GNAS-AS1: variants seen among roughly 807,000 people sequenced by gnomAD.
GNAS-AS1 encodes the protein GNAS antisense RNA 1, also known as GNAS antisense RNA 1 (non-protein coding).
In GNAS-AS1 at chr20:58,840,508, C is replaced by T. The variant is rs757886349; in HGVS notation, n.819+1429G>A. ...AGACCGAGCCTGAGACCGCCCCCACCACTGAGCCCGAGACCGAGCCTGAAG... is the reference window on the plus strand; with the variant it reads ...AGACCGAGCCTGAGACCGCCCCCACTACTGAGCCCGAGACCGAGCCTGAAG... On this transcript the variant is annotated intron_variant and non_coding_transcript_variant, in intron 4 of 4. Transcript: ENST00000424094. This position sits in a 1 kb window ranked among gnomAD's most constrained non-coding sequence, Gnocchi z 6.0. The T allele has an allele frequency of 6.2e-7, 1 of 1,613,326 alleles. No individual in the cohort carries two copies. The highest frequency in any genetic ancestry group is 8.5e-7 in the Non-Finnish European group (1 of 1,179,788).
At chr20:58,849,685 C>T (rs1460183991) in intron 1 of GNAS-AS1, among the ~76,000 whole-genome samples, 2 of 152,192 alleles carry the variant, frequency 1.3e-5, no homozygotes, top group Non-Finnish European at 2.9e-5. Context: ...TTGGCTCCTC[C>T]ATCTTTTGTG....
rs2085661524 is a variant in GNAS-AS1, at chr20:58,840,140, C to T, written n.819+1797G>A. ...GAGGTCCCGGGCTCAGCAGTGGCGC[C>T]GAGCTCGCCATAATTACAACGACCT... On this transcript the variant is annotated intron_variant and non_coding_transcript_variant, in intron 4 of 4. Coordinates refer to ENST00000424094, the Ensembl canonical transcript of GNAS-AS1. This position sits in a 1 kb window ranked among gnomAD's most constrained non-coding sequence, Gnocchi z 6.0. 3 of 1,611,410 alleles carry T rather than the reference C, an allele frequency of 1.9e-6. No homozygotes were observed. Among genetic ancestry groups the T allele is most frequent in the African/African-American group, 1.3e-5 (1 of 74,902 alleles).
chr20:58,841,329 T>G lies in GNAS-AS1; in HGVS notation n.819+608A>C, dbSNP rs2085716002. 2 of 1,058,052 alleles carry G rather than the reference T, an allele frequency of 1.9e-6. No homozygotes were observed. The highest frequency in any genetic ancestry group is 2.3e-6 in the Non-Finnish European group (2 of 874,812). The allele number at this position is 1,058,052 out of a possible 1,614,324, so 65.5% of individuals were successfully genotyped here. On this transcript the variant is annotated intron_variant and non_coding_transcript_variant, in intron 4 of 4. Transcript: ENST00000424094. The surrounding 1 kb of genome is among the most constrained non-coding windows in gnomAD (Gnocchi z 5.0). ...TGGTTCGGAGGTGCGCGCGCCAACT[T>G]TCACGATGTGAGAGCAGCCGCGCTG...
At chr20:58,849,242 C>G (rs1218439008) in intron 1 of GNAS-AS1, among the ~76,000 whole-genome samples, 1 of 152,128 alleles carries the variant, frequency 6.6e-6, no homozygotes. Context: ...CCAAATACCA[C>G]CAGTGCAGAG....
At position 58,841,982 on chromosome 20, in the gene GNAS-AS1, G is replaced by A; in HGVS notation, n.774C>T. ...GGTACGCGCAGAGCTGGGGAAAGGTGTTGGATCCGGCGCCAGTCCTTGGAC... is the reference window on the plus strand; with the variant it reads ...GGTACGCGCAGAGCTGGGGAAAGGTATTGGATCCGGCGCCAGTCCTTGGAC... On this transcript the variant is annotated non_coding_transcript_exon_variant, in exon 4 of 5. Coordinates refer to ENST00000424094, the Ensembl canonical transcript of GNAS-AS1. The surrounding 1 kb of genome is among the most constrained non-coding windows in gnomAD (Gnocchi z 5.0). 1 of 1,005,850 alleles carries A rather than the reference G, an allele frequency of 9.9e-7. No homozygotes were observed. The highest frequency in any genetic ancestry group is 1.3e-6 in the Non-Finnish European group (1 of 781,484). 62.3% of individuals were successfully genotyped at this position (1,005,850 alleles called of 1,614,324 possible). A position where few individuals can be genotyped will look rare whatever the true frequency, so the allele number is the denominator to read the frequency against.
intron 4 of GNAS-AS1, chr20:58,824,053 A>G: frequency 2.5e-6 from 1 of 398,720 alleles, no homozygotes; most frequent in East Asian, 3.6e-5. Flanking sequence ...TTGGGGAGGA[A>G]GAGGTCGGCT....
At chr20:58,836,043 T>C (rs374236700) in intron 4 of GNAS-AS1, among the ~76,000 whole-genome samples, 1 of 152,072 alleles carries the variant, frequency 6.6e-6, no homozygotes, top group Non-Finnish European at 1.5e-5. Flanking sequence ...GCACTTTCAA[T>C]GCTTCCAAAA....
intron 4 of GNAS-AS1, chr20:58,839,510 G>C (rs1405769690): frequency 2.5e-6 from 1 of 403,446 alleles, no homozygotes; most frequent in Non-Finnish European, 4.4e-6. Flanking sequence ...TACTGGACCT[G>C]GGGCTAGCTT....
At chr20:58,830,637 ACAC>A (rs1387452481) in intron 4 of GNAS-AS1, among the ~76,000 whole-genome samples, 1 of 91,300 alleles carries the variant, frequency 1.1e-5, no homozygotes, top group Non-Finnish European at 2.3e-5. Context: ...CACCACCGCC[ACAC>A]CACCACACCA....
At chr20:58,827,539 T>C (rs2085529147) in intron 4 of GNAS-AS1, among the ~76,000 whole-genome samples, 1 of 152,198 alleles carries the variant, frequency 6.6e-6, no homozygotes, top group Non-Finnish European at 1.5e-5. Flanking sequence ...TGGTCAGCAG[T>C]GCAGTTTCTA....
rs549534369 is a variant in GNAS-AS1 at position 58,845,316 on chromosome 20, C to CT, written n.414-2772dup. Among the ~76,000 whole-genome samples the CT allele has an allele frequency of 9.9e-5, 15 of 152,230 alleles. No homozygotes were observed. In the South Asian group the frequency reaches 2.9e-3, roughly 29 times the overall value. On this transcript the variant is annotated intron_variant and non_coding_transcript_variant, in intron 2 of 4. Coordinates refer to ENST00000424094, the Ensembl canonical transcript of GNAS-AS1. ...TTTGAGATAAACCAGTTTTCTCAACCTTTGTTTTTTTCATGATCACTCCCC... is the reference window on the plus strand; with the variant it reads ...TTTGAGATAAACCAGTTTTCTCAACCTTTTGTTTTTTTCATGATCACTCCCC...
chr20:58,847,787 G>A (rs980554419), intron 2 of GNAS-AS1, among the ~76,000 whole-genome samples: 4 of 152,026 alleles, frequency 2.6e-5, no homozygotes, highest in Admixed American at 6.5e-5. Flanking sequence ...CCTTCTCTTT[G>A]TTGGCTACAG....
At position 58,841,983 on chromosome 20, in the gene GNAS-AS1, T is replaced by G. The variant is rs1038680827; in HGVS notation, n.773A>C. The G allele has an allele frequency of 3.2e-5, 32 of 1,009,384 alleles. No individual in the cohort carries two copies. In the African/African-American group the frequency reaches 4.3e-4, roughly 14 times the overall value. The allele number at this position is 1,009,384 out of a possible 1,614,324, so 62.5% of individuals were successfully genotyped here. A position where few individuals can be genotyped will look rare whatever the true frequency, so the allele number is the denominator to read the frequency against. On this transcript the variant is annotated non_coding_transcript_exon_variant, in exon 4 of 5. Transcript: ENST00000424094. The surrounding 1 kb of genome is among the most constrained non-coding windows in gnomAD (Gnocchi z 5.0). ...GTACGCGCAGAGCTGGGGAAAGGTG[T>G]TGGATCCGGCGCCAGTCCTTGGACG... is the stretch of plus-strand genomic sequence containing the variant.
At chr20:58,824,427 G>A in intron 4 of GNAS-AS1, among the ~76,000 whole-genome samples, 1 of 152,210 alleles carries the variant, frequency 6.6e-6, no homozygotes, top group Non-Finnish European at 1.5e-5. Context: ...GAAGAAAGGT[G>A]AGCAAAGTCC....
intron 4 of GNAS-AS1, among the ~76,000 whole-genome samples, chr20:58,832,160 G>A (rs1285585859): frequency 2.0e-5 from 3 of 151,436 alleles, no homozygotes; most frequent in African/African-American, 7.3e-5. Context: ...ATAATAAGAG[G>A]CCTGAAAATA....
exon 4 of GNAS-AS1, chr20:58,842,079 C>A: frequency 4.8e-6 from 2 of 413,356 alleles, no homozygotes; most frequent in Admixed American, 4.4e-5. Flanking sequence ...AGGCGGCGTG[C>A]TCCGGCCATT....
chr20:58,840,018 C>T lies in GNAS-AS1; in HGVS notation n.819+1919G>A, dbSNP rs2085657772. The T allele has an allele frequency of 1.4e-6, 2 of 1,477,536 alleles. No individual in the cohort carries two copies. The highest frequency in any genetic ancestry group is 1.9e-6 in the Non-Finnish European group (2 of 1,070,206). The allele number at this position is 1,477,536 out of a possible 1,614,324, so 91.5% of individuals were successfully genotyped here. ...CCAGCTTCTCACCTCATAGGGTGTA[C>T]CTTTCCCGGCTCCAGCAGCCAATGT... On this transcript the variant is annotated intron_variant and non_coding_transcript_variant, in intron 4 of 4. Coordinates refer to ENST00000424094, the Ensembl canonical transcript of GNAS-AS1. This position sits in a 1 kb window ranked among gnomAD's most constrained non-coding sequence, Gnocchi z 6.0.
chr20:58,825,973 G>A, intron 4 of GNAS-AS1: 1 of 398,110 alleles, frequency 2.5e-6, no homozygotes, highest in Admixed American at 4.4e-5. Flanking sequence ...CCCCAAGAAA[G>A]GTCTCTGAGA....
In GNAS-AS1 at chr20:58,840,263, C is replaced by T; in HGVS notation, n.819+1674G>A. 1 of 1,611,788 alleles carries T rather than the reference C, an allele frequency of 6.2e-7. No homozygotes were observed. The highest frequency in any genetic ancestry group is 1.1e-5 in the South Asian group (1 of 91,070). On this transcript the variant is annotated intron_variant and non_coding_transcript_variant, in intron 4 of 4. Transcript: ENST00000424094. This position sits in a 1 kb window ranked among gnomAD's most constrained non-coding sequence, Gnocchi z 6.0. The stretch of plus-strand genomic sequence containing the variant: ...CCTTGCCACCTCCAACGCCCGTGCC[C>T]AGCAGCGCGCGGCTGCCCAACAGCG...
Sources: gnomAD v4.1 joint callset for allele counts (sites outside exome capture counted in the v4.1 genomes callset) on GRCh38, gnomAD v4.1.1 for gene constraint, Gnocchi (gnomAD v3.1) non-coding constraint, MANE v1.5 for transcripts, NCBI Gene and HGNC (gene_info 2026-07-23, HGNC 2026-07-21) for gene names.